The following ATAD2B variants were observed in gnomAD, a reference collection of about 807,000 sequenced individuals.
ATAD2B encodes the protein ATPase family AAA domain containing 2B.
A neutral mutation model predicts 167.6 loss-of-function variants in ATAD2B; 40 were observed. The observed-to-expected ratio is 0.24, with a 90% CI of 0.19 to 0.31. The LOEUF is 0.31. Among genes scored for constraint, ATAD2B ranks in the 10% least tolerant of loss-of-function variants. The pLI is 1.00. For missense variants in ATAD2B, 1,242 were observed against 1,757.2 expected (o/e 0.71, Z 5.24); for synonymous variants, 579 against 596.5 (o/e 0.97, Z 0.43).
chr2:23,854,202 G>A lies in ATAD2B; in HGVS notation c.1568+3213C>T, dbSNP rs993340251. Among the ~76,000 whole-genome samples, 5 of 151,812 alleles carry A rather than the reference G, an allele frequency of 3.3e-5. No individual in the cohort carries two copies. The South Asian group carries it at 6.2e-4, about 19-fold the overall frequency. On this transcript the variant is annotated intron_variant, in intron 13 of 27. Coordinates refer to ENST00000238789, the MANE Select transcript of ATAD2B (RefSeq NM_017552.4). ...GGAGGCTACAGTGAGCTGAGATCGC[G>A]CGACTGCACTCCAGCCTGGGCAACA...
chr2:23,794,343 T>C (rs764170106), intron 19 of ATAD2B, among the ~76,000 whole-genome samples: 1 of 152,240 alleles, frequency 6.6e-6, no homozygotes, highest in Non-Finnish European at 1.5e-5. Flanking sequence ...TTCTCTTTTG[T>C]GTCTGGCTTA....
chr2:23,877,562 G>A (rs1160403464), intron 7 of ATAD2B, among the ~76,000 whole-genome samples: 1 of 114,572 alleles, frequency 8.7e-6, no homozygotes, highest in Non-Finnish European at 1.8e-5. Flanking sequence ...GCAGGGGAAG[G>A]GAGGGGAGGG....
chr2:23,773,577 TTGTTTGTGGA>T (rs1399507898), intron 22 of ATAD2B, among the ~76,000 whole-genome samples: 1 of 152,190 alleles, frequency 6.6e-6, no homozygotes, highest in Non-Finnish European at 1.5e-5. Context: ...GAATATAATT[TTGTTTGTGGA>T]TTCAGAGACT....
chr2:23,736,156 T>C, the ATAD2B span, among the ~76,000 whole-genome samples: 3 of 152,204 alleles, frequency 2.0e-5, no homozygotes, highest in African/African-American at 7.2e-5. Flanking sequence ...AATATTTATG[T>C]AACTTTGCAT....
At chr2:23,848,052 A>G (rs2149866117) in intron 13 of ATAD2B, among the ~76,000 whole-genome samples, 1 of 152,104 alleles carries the variant, frequency 6.6e-6, no homozygotes, top group East Asian at 1.9e-4. Flanking sequence ...TGTCACTTGC[A>G]GGCCCACACT....
At chr2:23,729,786 G>C in the ATAD2B span, among the ~76,000 whole-genome samples, 23 of 152,086 alleles carry the variant, frequency 1.5e-4, no homozygotes, top group African/African-American at 5.5e-4. Context: ...ATCTGAACAA[G>C]GACAATTACC....
the ATAD2B span, among the ~76,000 whole-genome samples, chr2:23,688,282 T>C: frequency 1.3e-5 from 2 of 152,192 alleles, no homozygotes; most frequent in African/African-American, 4.8e-5. Context: ...CGTTCATTCA[T>C]GGGCGGAGTC....
At chr2:23,901,265 C>G (rs1166881262) in intron 1 of ATAD2B, 1 of 152,074 alleles carries the variant, frequency 6.6e-6, no homozygotes, top group Admixed American at 6.6e-5. Flanking sequence ...AAACTAGTAC[C>G]TATAAACTAC....
intron 22 of ATAD2B, among the ~76,000 whole-genome samples, chr2:23,767,070 G>C (rs936400995): frequency 2.6e-5 from 4 of 152,164 alleles, no homozygotes; most frequent in African/African-American, 7.2e-5. Flanking sequence ...ATGTCAGTAT[G>C]TTCAATTCTT....
At chr2:23,753,033 T>C (rs182533926) in intron 27 of ATAD2B, among the ~76,000 whole-genome samples, 136 of 152,270 alleles carry the variant, frequency 8.9e-4, no homozygotes, top group African/African-American at 3.1e-3. Flanking sequence ...TGTGAATAAC[T>C]CTACCCCGCA....
chr2:23,885,699 C>A (rs983036412), intron 5 of ATAD2B, 28 bp downstream of exon 5: 22 of 1,327,020 alleles, frequency 1.7e-5, no homozygotes, highest in Non-Finnish European at 2.3e-5. Flanking sequence ...AAAATATTTA[C>A]AAAGATTGCT....
Position 23,757,576 on chromosome 2 carries a change from T to C in ATAD2B, c.3920A>G (p.Lys1307Arg). 2 of 1,607,270 alleles carry C rather than the reference T, an allele frequency of 1.2e-6. No individual in the cohort carries two copies. Among genetic ancestry groups the C allele is most frequent in the Non-Finnish European group, 1.7e-6 (2 of 1,178,224 alleles). ...TTTTGACTGGTCCTCCAGAAGAATC[T>C]TTTGTTCAGAACTACATTTATCTCC... ...DSGDKCSSEQKILLEDQSKEK... is the reference protein window; with the variant it reads ...DSGDKCSSEQRILLEDQSKEK... The change falls in exon 25 of 28, where the codon AAG becomes AGG. Residue 1307 changes from lysine to arginine, a missense_variant. Lys to Arg is a conservative substitution (Grantham distance 26). Around this residue, in one of 9 missense-constraint regions of ATAD2B, gnomAD observed 282 missense variants for 346.8 expected, o/e 0.81. Coordinates refer to ENST00000238789, the MANE Select transcript of ATAD2B (RefSeq NM_017552.4).
chr2:23,863,652 T>A (rs1048751335), intron 11 of ATAD2B, 97 bp from the exon 12 acceptor site: 4 of 1,154,066 alleles, frequency 3.5e-6, no homozygotes, highest in Non-Finnish European at 4.8e-6. Context: ...TAATTTTGTA[T>A]TGAAGTATAA....
chr2:23,868,642 A>G (rs1231907524), intron 9 of ATAD2B, among the ~76,000 whole-genome samples: 1 of 152,202 alleles, frequency 6.6e-6, no homozygotes, highest in Non-Finnish European at 1.5e-5. Flanking sequence ...ATGATTGAAA[A>G]AATTGTCTTT....
At chr2:23,889,848 G>A (rs1213345849) in intron 2 of ATAD2B, among the ~76,000 whole-genome samples, 3 of 151,370 alleles carry the variant, frequency 2.0e-5, no homozygotes, top group African/African-American at 4.9e-5. Context: ...GAACCCAGGA[G>A]GCAGATGTTG....
At chr2:23,789,559 A>G (rs1681336961) in intron 19 of ATAD2B, among the ~76,000 whole-genome samples, 1 of 152,134 alleles carries the variant, frequency 6.6e-6, no homozygotes, top group Non-Finnish European at 1.5e-5. Flanking sequence ...ACTGCAAATA[A>G]AAAAAGGGAG....
At chr2:23,896,073 T>C (rs1039255456) in intron 1 of ATAD2B, 103 bp from the exon 2 acceptor site, 24 of 942,046 alleles carry the variant, frequency 2.5e-5, no homozygotes, top group Non-Finnish European at 3.6e-5. Context: ...TCCCAGCACT[T>C]TGGGTGGCCG....
At chr2:23,898,740 C>T (rs1384765195) in intron 1 of ATAD2B, among the ~76,000 whole-genome samples, 2 of 152,306 alleles carry the variant, frequency 1.3e-5, no homozygotes, top group East Asian at 1.9e-4. Flanking sequence ...CAGTGGCTCA[C>T]ACATGAAATC....
At chr2:23,731,211 T>A in the ATAD2B span, among the ~76,000 whole-genome samples, 1 of 151,094 alleles carries the variant, frequency 6.6e-6, no homozygotes, top group East Asian at 1.9e-4. Context: ...AAATAATTCA[T>A]TAAATTCATT....
Sources: gnomAD v4.1 joint callset for allele counts (sites outside exome capture counted in the v4.1 genomes callset) on GRCh38, gnomAD v4.1.1 for gene constraint, gnomAD v4.1.1 regional missense constraint, MANE v1.5 for transcripts, NCBI Gene and HGNC (gene_info 2026-07-23, HGNC 2026-07-21) for gene names.